The following ARHGAP9 variants were observed in gnomAD, a reference collection of about 807,000 sequenced individuals.
ARHGAP9 encodes the protein rho GTPase-activating protein 9.
ARHGAP9 carries 76 observed loss-of-function variants against 87.3 expected under a neutral mutation model. The observed-to-expected ratio is 0.87, with a 90% CI of 0.72 to 1.05. The LOEUF (loss-of-function observed/expected upper bound fraction) is 1.05, where lower values mean the gene tolerates loss of function less well. Among genes scored for constraint, ARHGAP9 ranks in the 50% least tolerant of loss-of-function variants. The pLI, the probability that ARHGAP9 is intolerant of heterozygous loss-of-function variation, is 0.00. For missense variants in ARHGAP9, 941 were observed against 960.5 expected (o/e 0.98, Z 0.27); for synonymous variants, 382 against 394.9 (o/e 0.97, Z 0.39).
At chr12:57,488,522 A>C in intron 1 of ARHGAP9, 1 of 1,502,470 alleles carries the variant, frequency 6.7e-7, no homozygotes. Flanking sequence ...CTCTTTAGTT[A>C]CTAGCATGAC....
chr12:57,487,391 G>T (rs1193067047), intron 1 of ARHGAP9: 1 of 152,172 alleles, frequency 6.6e-6, no homozygotes, highest in African/African-American at 2.4e-5. Flanking sequence ...TTAAGAGCTT[G>T]CATCGAGAGC....
At chr12:57,479,922 G>A (rs557695408), upstream of ARHGAP9, 462 of 1,439,856 alleles carry the variant, frequency 3.2e-4, no homozygotes, top group Non-Finnish European at 4.1e-4. Context: ...CAATGTTTCC[G>A]TTACCAGTCA....
upstream of ARHGAP9, chr12:57,479,949 C>T (rs765826080): frequency 2.1e-5 from 30 of 1,406,762 alleles, no homozygotes; most frequent in African/African-American, 4.4e-5. Flanking sequence ...ACCATAGCTG[C>T]GTGCTTCCTG....
upstream of ARHGAP9, among the ~76,000 whole-genome samples, chr12:57,484,734 T>C (rs559612630): frequency 4.6e-5 from 7 of 152,224 alleles, no homozygotes; most frequent in East Asian, 1.4e-3. Context: ...AACCTCTGCC[T>C]CCCAAGTTCA....
chr12:57,475,743 C>T (rs1873385779), intron 10 of ARHGAP9, 90 bp downstream of exon 10: 1 of 1,487,820 alleles, frequency 6.7e-7, no homozygotes, highest in Non-Finnish European at 9.0e-7. Flanking sequence ...GCCCACCCTG[C>T]CCCCAACTGC....
In ARHGAP9 at chr12:57,474,438, C is replaced by G; in HGVS notation, c.1768G>C (p.Glu590Gln). ...ATGTAAGTACCTTGTCCTGGCTGTT[C>G]TGGGAACACATACCTCCCATCGGAG... is the stretch of plus-strand genomic sequence containing the variant. ...VTSDGRYVFP[E>Q]QPGQEGRLDL... The change falls in exon 15 of 18, where the codon GAA becomes CAA. Residue 590 changes from glutamate (E) to glutamine (Q), a missense_variant. Physicochemically the swap from Glu to Gln is conservative, Grantham distance 29 (BLOSUM62 2). Coordinates refer to ENST00000393791, the MANE Select transcript of ARHGAP9 (RefSeq NM_032496.4). 1 of 1,614,162 alleles carries G rather than the reference C, an allele frequency of 6.2e-7. No individual in the cohort carries two copies. Among genetic ancestry groups the G allele is most frequent in the East Asian group, 2.2e-5 (1 of 44,884 alleles).
At position 57,479,416 on chromosome 12, in the gene ARHGAP9, C is replaced by G. The variant is rs552499691; in HGVS notation, c.-10G>C. On this transcript the variant is annotated 5_prime_UTR_variant, in exon 2 of 18. Coordinates refer to ENST00000393791, the MANE Select transcript of ARHGAP9 (RefSeq NM_032496.4). ...ACCGGCTGGATAGCATTGTAGCCAG[C>G]ACTGTCACCTGTGAGAAAAAGGGAC... The G allele has an allele frequency of 6.2e-6, 10 of 1,608,272 alleles. No homozygotes were observed. Among genetic ancestry groups the G allele is most frequent in the Middle Eastern group, 3.3e-4 (2 of 6,032 alleles).
At chr12:57,479,602 ACTC>A (rs1398994225) in intron 1 of ARHGAP9, 125 bp downstream of exon 1, 3 of 1,534,254 alleles carry the variant, frequency 2.0e-6, no homozygotes, top group East Asian at 2.5e-5. Flanking sequence ...GGGGCTGAGA[ACTC>A]CTGGTGGTGT....
intron 8 of ARHGAP9, 56 bp downstream of exon 8, chr12:57,476,307 TG>T (rs1873643368): frequency 1.1e-5 from 18 of 1,586,642 alleles, no homozygotes; most frequent in Non-Finnish European, 1.5e-5. Flanking sequence ...GCCCCCACAT[TG>T]GCGTGAGGCG....
chr12:57,472,818 C>G, intron 17 of ARHGAP9, 130 bp from the exon 18 acceptor site: 1 of 946,214 alleles, frequency 1.1e-6, no homozygotes. Context: ...AACAAAAAAA[C>G]CAAGGAGATA....
chr12:57,472,605 T>A lies in ARHGAP9; in HGVS notation c.2108A>T (p.Gln703Leu). 1 of 1,614,220 alleles carries A rather than the reference T, an allele frequency of 6.2e-7. No homozygotes were observed. The highest frequency in any genetic ancestry group is 1.1e-5 in the South Asian group (1 of 91,090). Reference sequence around the variant, plus strand: ...ATGGGCTGCTGGGTCAGATGTCTCCTGCTCTGGCCGAAACAGGGTTGGTCC... The same window carrying A: ...ATGGGCTGCTGGGTCAGATGTCTCCAGCTCTGGCCGAAACAGGGTTGGTCC... ...VFGPTLFRPE[Q>L]ETSDPAAHAL... The change falls in exon 18 of 18, where the codon CAG becomes CTG. Residue 703 changes from glutamine (Q) to leucine (L), a missense_variant. Gln to Leu is a moderately radical substitution (Grantham distance 113, BLOSUM62 -2). Transcript: ENST00000393791.
chr12:57,484,003 T>C, upstream of ARHGAP9: 1 of 376,708 alleles, frequency 2.7e-6, no homozygotes, highest in South Asian at 1.7e-5. Flanking sequence ...ATCATGCCAC[T>C]GCACTCCAGC....
intron 1 of ARHGAP9, 43 bp from the exon 2 acceptor site, chr12:57,479,467 C>G: frequency 6.4e-7 from 1 of 1,570,066 alleles, no homozygotes; most frequent in Non-Finnish European, 8.6e-7. Flanking sequence ...GGGAATAGGC[C>G]TGGCTGTCTC....
intron 15 of ARHGAP9, 81 bp from the exon 16 acceptor site, chr12:57,474,257 C>G: frequency 6.3e-7 from 1 of 1,582,630 alleles, no homozygotes; most frequent in Non-Finnish European, 8.6e-7. Flanking sequence ...CTGGAGAAAT[C>G]CAGTCAAAGC....
At chr12:57,488,049 G>A in intron 1 of ARHGAP9, 2 of 1,560,790 alleles carry the variant, frequency 1.3e-6, no homozygotes, top group Non-Finnish European at 8.8e-7. Context: ...CTCAGAAGCG[G>A]GAGGCCGGTT....
chr12:57,481,492 C>G (rs933827729), upstream of ARHGAP9, among the ~76,000 whole-genome samples: 1 of 152,150 alleles, frequency 6.6e-6, no homozygotes, highest in Non-Finnish European at 1.5e-5. Flanking sequence ...ACCTCGTGAT[C>G]TGCCCACCTC....
chr12:57,488,432 C>T, intron 1 of ARHGAP9: 1 of 853,852 alleles, frequency 1.2e-6, no homozygotes, highest in Non-Finnish European at 1.8e-6. Flanking sequence ...CCTCTTCCGT[C>T]TTCCCGGTCC....
intron 3 of ARHGAP9, chr12:57,477,977 G>A (rs1340199312): frequency 8.2e-7 from 1 of 1,225,848 alleles, no homozygotes. Context: ...TGGGGTGGGG[G>A]GAATGTTGAA....
chr12:57,488,058 T>C, intron 1 of ARHGAP9: 2 of 1,589,720 alleles, frequency 1.3e-6, no homozygotes, highest in Non-Finnish European at 1.7e-6. Flanking sequence ...GGGAGGCCGG[T>C]TCCGGTTGCA....
Sources: allele counts gnomAD v4.1 joint callset (sites outside exome capture counted in the v4.1 genomes callset), GRCh38; gene constraint gnomAD v4.1.1; transcripts MANE v1.5; gene names NCBI Gene and HGNC (gene_info 2026-07-23, HGNC 2026-07-21).